Variants in TNPO1 observed in about 807,000 individuals in gnomAD.
TNPO1 encodes transportin-1.
TNPO1 carries 8 observed loss-of-function variants against 119.5 expected under a neutral mutation model. The ratio of observed to expected loss-of-function variants is 0.07; its 90% CI spans 0.04 to 0.12. The LOEUF is 0.12. TNPO1 is among the 10% of genes least tolerant of loss of function. TNPO1 has a pLI of 1.00. For missense variants in TNPO1, 576 were observed against 1,089.8 expected, an observed-to-expected ratio of 0.53 and a Z score of 6.64; for synonymous variants, 362 against 363.0, an observed-to-expected ratio of 1.00 and a Z score of 0.03.
At chr5:72,902,646 G>GT (rs1050733532) in intron 22 of TNPO1, among the ~76,000 whole-genome samples, 24 of 151,830 alleles carry the variant, frequency 1.6e-4, no homozygotes, top group African/African-American at 5.8e-4. Context: ...TTGAATTAAT[G>GT]TTTTAAGATG....
At chr5:72,821,426 A>C (rs537666798) in intron 1 of TNPO1, among the ~76,000 whole-genome samples, 39 of 152,240 alleles carry the variant, frequency 2.6e-4, no homozygotes, top group Admixed American at 2.4e-3. Context: ...ATTATTAGGA[A>C]TAGGTGGTAT....
intron 4 of TNPO1, 148 bp downstream of exon 4, chr5:72,856,071 T>C: frequency 1.2e-6 from 1 of 846,484 alleles, no homozygotes; most frequent in African/African-American, 1.7e-5. Flanking sequence ...TTTGAAATGG[T>C]GTAATCATGG....
intron 4 of TNPO1, 60 bp downstream of exon 4, chr5:72,855,983 G>A (rs1745969026): frequency 2.6e-6 from 4 of 1,529,328 alleles, no homozygotes; most frequent in Non-Finnish European, 3.6e-6. Context: ...TTTTAGAGAT[G>A]ACAGATTATT....
At chr5:72,886,133 C>A (rs996220392) in intron 11 of TNPO1, among the ~76,000 whole-genome samples, 3 of 151,596 alleles carry the variant, frequency 2.0e-5, no homozygotes, top group African/African-American at 7.3e-5. Context: ...GGAACACGTT[C>A]CTACCCATAA....
At position 72,889,789 on chromosome 5, in the gene TNPO1, C is replaced by G; in HGVS notation, c.1533C>G (p.Ala511=). The change falls in exon 14 of 25, where the codon GCC becomes GCG. Residue 511 remains alanine (A), a synonymous_variant. Transcript: ENST00000337273. ...CTTTTTTTTTTTTTTTAAACAGTGC[C>G]TTTGCTACCCTAGAAGAGGAGGCTT... is the stretch of plus-strand genomic sequence containing the variant. ...NKRVQEAACS[A]FATLEEEACT... 3.8e-6 allele frequency: 6 copies of G among 1,563,360 alleles called. No homozygotes were observed. The highest frequency in any genetic ancestry group is 5.2e-6 in the Non-Finnish European group (6 of 1,161,096).
At chr5:72,849,909 T>A (rs771908519) in intron 2 of TNPO1, among the ~76,000 whole-genome samples, 2 of 152,238 alleles carry the variant, frequency 1.3e-5, no homozygotes, top group Non-Finnish European at 2.9e-5. Context: ...GCATTGTAGT[T>A]ATTCTGTGGC....
intron 4 of TNPO1, among the ~76,000 whole-genome samples, chr5:72,860,431 A>T (rs1471108441): frequency 6.6e-6 from 1 of 152,260 alleles, no homozygotes; most frequent in African/African-American, 2.4e-5. Context: ...AAAAAATATT[A>T]ACACGAAACC....
chr5:72,897,450 T>G (rs1410344370), intron 20 of TNPO1, among the ~76,000 whole-genome samples: 2 of 151,814 alleles, frequency 1.3e-5, no homozygotes, highest in Admixed American at 6.6e-5. Context: ...AATTTTGCTT[T>G]TAAATTAATT....
chr5:72,882,103 A>G (rs755417209), intron 9 of TNPO1, among the ~76,000 whole-genome samples: 111 of 152,286 alleles, frequency 7.3e-4, no homozygotes, highest in East Asian at 3.9e-4. Flanking sequence ...TTCTCCTGCA[A>G]AATACCTGTA....
At chr5:72,892,109 G>T (rs1363235305) in intron 15 of TNPO1, among the ~76,000 whole-genome samples, 1 of 151,962 alleles carries the variant, frequency 6.6e-6, no homozygotes, top group African/African-American at 2.4e-5. Context: ...ATATAGAGTA[G>T]ATAGCATACT....
rs571010795 is a variant in TNPO1, at chr5:72,872,793, C to A, written c.678+73C>A. 9.9e-6 allele frequency: 8 copies of A among 804,306 alleles called. No homozygotes were observed. The South Asian group carries it at 1.4e-4, about 14-fold the overall frequency. 49.8% of individuals were successfully genotyped at this position (804,306 alleles called of 1,614,324 possible). On this transcript the variant is annotated intron_variant, in intron 7 of 24. Transcript: ENST00000337273. ...TGAGAAGGTTAGGTGATGCTAACTG[C>A]ATGTAGTTTTGCTTTAAAACAAGAA...
At chr5:72,817,329 T>G (rs1743741681) in intron 1 of TNPO1, among the ~76,000 whole-genome samples, 1 of 152,218 alleles carries the variant, frequency 6.6e-6, no homozygotes, top group African/African-American at 2.4e-5. Context: ...TACATAATGT[T>G]TGTGACTGTA....
rs1165640254 is a variant in TNPO1, at chr5:72,909,431, A to T, written c.*758A>T. The T allele has an allele frequency of 1.3e-5, 2 of 152,184 alleles. No homozygotes were observed. The highest frequency in any genetic ancestry group is 4.8e-5 in the African/African-American group (2 of 41,458). The allele number at this position is 152,184 out of a possible 1,614,324, so 9.4% of individuals were successfully genotyped here. ...TTGGGCATATCAAACTAAAGATGACATCTTAATTTTGCATTGAACATTAAT... is the reference window on the plus strand; with the variant it reads ...TTGGGCATATCAAACTAAAGATGACTTCTTAATTTTGCATTGAACATTAAT... On this transcript the variant is annotated 3_prime_UTR_variant, in exon 25 of 25. Transcript: ENST00000337273.
chr5:72,870,135 A>G (rs1310070620), intron 6 of TNPO1, among the ~76,000 whole-genome samples: 1 of 145,332 alleles, frequency 6.9e-6, no homozygotes, highest in Non-Finnish European at 1.5e-5. Flanking sequence ...TAGAAGAAAT[A>G]GTCATTTTCA....
At chr5:72,856,033 G>A (rs930938793) in intron 4 of TNPO1, 110 bp downstream of exon 4, 2 of 1,108,406 alleles carry the variant, frequency 1.8e-6, no homozygotes, top group East Asian at 2.4e-5. Flanking sequence ...AAATTGTGTT[G>A]GGGAAACTTT....
At chr5:72,897,520 A>G (rs1457638859) in intron 20 of TNPO1, among the ~76,000 whole-genome samples, 1 of 152,124 alleles carries the variant, frequency 6.6e-6, no homozygotes, top group Admixed American at 6.6e-5. Flanking sequence ...AATGTAGTCA[A>G]AAAGATTCAG....
intron 1 of TNPO1, among the ~76,000 whole-genome samples, chr5:72,820,996 C>T (rs1006860659): frequency 6.6e-6 from 1 of 151,958 alleles, no homozygotes; most frequent in Non-Finnish European, 1.5e-5. Context: ...AAAGAAATCT[C>T]AAATTTGATT....
intron 1 of TNPO1, among the ~76,000 whole-genome samples, chr5:72,827,487 G>A (rs1744255788): frequency 6.6e-6 from 1 of 152,214 alleles, no homozygotes; most frequent in South Asian, 2.1e-4. Context: ...AGACAGCAGA[G>A]GGGGTGAGAA....
intron 1 of TNPO1, among the ~76,000 whole-genome samples, chr5:72,821,083 A>G (rs183806409): frequency 6.6e-6 from 1 of 152,316 alleles, no homozygotes; most frequent in Admixed American, 6.5e-5. Flanking sequence ...ACTCCTGGTA[A>G]AGTAAATGAA....
Sources: allele counts gnomAD v4.1 joint callset (sites outside exome capture counted in the v4.1 genomes callset), GRCh38; gene constraint gnomAD v4.1.1; transcripts MANE v1.5; gene names NCBI Gene and HGNC (gene_info 2026-07-23, HGNC 2026-07-21).